Variants in UMOD observed in about 807,000 individuals in gnomAD.
The protein encoded by UMOD is uromodulin.
Under a neutral mutation model 66.0 loss-of-function variants are expected in UMOD, and 64 were observed. The observed-to-expected ratio is 0.97, with a 90% CI of 0.79 to 1.19. UMOD has a LOEUF of 1.19. Among genes scored for constraint, UMOD ranks in the 50% most tolerant of loss-of-function variants. UMOD has a pLI of 0.00. For synonymous variants in UMOD, 398 were observed against 352.7 expected (o/e 1.13, Z -1.44); for missense variants, 764 against 850.9 (o/e 0.90, Z 1.27).
upstream of UMOD, among the ~76,000 whole-genome samples, chr16:20,355,179 T>A (rs1214129205): frequency 6.6e-6 from 1 of 152,110 alleles, no homozygotes; most frequent in Non-Finnish European, 1.5e-5. Flanking sequence ...GTGTGGTGTG[T>A]CCCCTTCTCT....
rs776537437 is a variant in UMOD, at chr16:20,341,186, G to A, written c.1482C>T (p.Gly494=). 1.6e-5 allele frequency: 26 copies of A among 1,613,826 alleles called. No homozygotes were observed. The Admixed American group carries it at 1.7e-4, about 10-fold the overall frequency. ...TGAGCAGTGCAAATCGGGACAGGTC[G>A]CCCCCATCCAACATGGTGCCCACGT... is the stretch of plus-strand genomic sequence containing the variant. ...FLYVGTMLDG[G]DLSRFALLMT... Residue 494 remains glycine (G), a synonymous_variant, in exon 7 of 11, where the codon GGC becomes GGT. Coordinates refer to ENST00000396138, the MANE Select transcript of UMOD (RefSeq NM_003361.4).
At position 20,341,239 on chromosome 16, in the gene UMOD, CGGA is replaced by C; in HGVS notation, c.1426_1428del (p.Ser476del). ...AGAAAAGCCTCAGTGGACAGTGTCA[CGGA>C]GGAGCCTTGGTAGGGCTGCGTGTAG... On this transcript the variant is annotated inframe_deletion, in exon 7 of 11. Transcript: ENST00000396138. The C allele has an allele frequency of 6.2e-7, 1 of 1,614,056 alleles. No individual in the cohort carries two copies. The highest frequency in any genetic ancestry group is 8.5e-7 in the Non-Finnish European group (1 of 1,180,010).
At chr16:20,354,191 T>C (rs1965994540), upstream of UMOD, among the ~76,000 whole-genome samples, 1 of 152,226 alleles carries the variant, frequency 6.6e-6, no homozygotes, top group African/African-American at 2.4e-5. Context: ...GTCTTTGCTA[T>C]TGTGAATTGC....
intron 4 of UMOD, among the ~76,000 whole-genome samples, chr16:20,346,881 GAGAGAAAGAA>G (rs1224726113): frequency 1.1e-4 from 5 of 46,690 alleles, no homozygotes; most frequent in African/African-American, 6.0e-4. Context: ...AAAAAAGAAA[GAGAGAAAGAA>G]AGAAAGAAAG....
At chr16:20,343,715 G>T (rs959153540) in intron 6 of UMOD, among the ~76,000 whole-genome samples, 1 of 152,060 alleles carries the variant, frequency 6.6e-6, no homozygotes, top group East Asian at 1.9e-4. Flanking sequence ...ACCTAGAGAG[G>T]GACTATCAAT....
Position 20,341,297 on chromosome 16 carries a change from G to C in UMOD, c.1371C>G (p.Thr457=), listed in dbSNP as rs911119717. 14 of 1,613,898 alleles carry C rather than the reference G, an allele frequency of 8.7e-6. No homozygotes were observed. Among genetic ancestry groups the C allele is most frequent in the African/African-American group, 1.3e-5 (1 of 74,912 alleles). The part of the protein sequence containing the change: ...NIRVGGTGMF[T]VRMALFQTPS... ...GGGTCTGGAAGAGCGCCATCCGCAC[G>C]GTGAACATGCCGGTCCCGCCCACTC... Residue 457 remains threonine (T), a synonymous_variant, in exon 7 of 11, where the codon ACC becomes ACG. Coordinates refer to ENST00000396138, the MANE Select transcript of UMOD (RefSeq NM_003361.4).
intron 7 of UMOD, among the ~76,000 whole-genome samples, chr16:20,340,551 G>T (rs548333017): frequency 1.3e-5 from 2 of 150,432 alleles, no homozygotes; most frequent in African/African-American, 4.9e-5. Context: ...AAATAATAAG[G>T]TCTAGTGAAA....
chr16:20,349,185 G>T lies in UMOD; in HGVS notation c.116C>A (p.Ala39Asp), dbSNP rs762973149. The change falls in exon 3 of 11, where the codon GCC becomes GAC. Residue 39 changes from alanine (A) to aspartate (D), a missense_variant. Physicochemically the swap from Ala to Asp is moderately radical, Grantham distance 126. Transcript: ENST00000396138. ...AACGGCCTCATCCTCCGTGCAGGTG[G>T]CATTGCTGTGACATTCAGAGCACCA... ...ARWCSECHSNATCTEDEAVTT... is the reference protein window; with the variant it reads ...ARWCSECHSNDTCTEDEAVTT... 1 of 1,613,780 alleles carries T rather than the reference G, an allele frequency of 6.2e-7. No individual in the cohort carries two copies. Among genetic ancestry groups the T allele is most frequent in the Non-Finnish European group, 8.5e-7 (1 of 1,179,996 alleles).
upstream of UMOD, among the ~76,000 whole-genome samples, chr16:20,354,023 T>C (rs1445744230): frequency 1.3e-5 from 2 of 152,218 alleles, no homozygotes; most frequent in African/African-American, 4.8e-5. Flanking sequence ...TTTTTGTCCT[T>C]GCGATAGTTT....
intron 6 of UMOD, 110 bp from the exon 7 acceptor site, chr16:20,341,446 A>G (rs1965213354): frequency 6.4e-7 from 1 of 1,569,572 alleles, no homozygotes; most frequent in Non-Finnish European, 8.6e-7. Flanking sequence ...TTGCATTTTT[A>G]TCCAGCAATA....
intron 1 of UMOD, among the ~76,000 whole-genome samples, chr16:20,351,997 G>A (rs1965918376): frequency 6.9e-6 from 1 of 145,718 alleles, no homozygotes; most frequent in Admixed American, 7.0e-5. Context: ...CTGCCTGGGT[G>A]ACAGAGAGTC....
rs574563507 is a variant in UMOD at position 20,338,926 on chromosome 16, A to AT, written c.1578-1474dup. ...AGGCGCCCACCACCATGCCTGTCTA[A>AT]TTTTTTTGTATTTTTAGTAGAGATG... is the stretch of plus-strand genomic sequence containing the variant. On this transcript the variant is annotated intron_variant, in intron 7 of 10. Transcript: ENST00000396138. 2.7e-3 allele frequency among the ~76,000 whole-genome samples: 418 copies of AT among 152,072 alleles called. 1 individual carries two copies. The highest frequency in any genetic ancestry group is 3.7e-3 in the Non-Finnish European group (250 of 67,968).
intron 10 of UMOD, among the ~76,000 whole-genome samples, chr16:20,334,386 G>A (rs1363843639): frequency 6.6e-6 from 1 of 152,148 alleles, no homozygotes; most frequent in Non-Finnish European, 1.5e-5. Context: ...TCTGGGGTAT[G>A]TTCATATCCT....
chr16:20,352,905 C>G (rs1965961129), upstream of UMOD: 1 of 436,472 alleles, frequency 2.3e-6, no homozygotes, highest in African/African-American at 2.0e-5. Context: ...GCTAGAGACC[C>G]CAAATGATTG....
At chr16:20,341,010 G>T in intron 7 of UMOD, 81 bp downstream of exon 7, 671 of 1,000,598 alleles carry the variant, frequency 6.7e-4, no homozygotes, top group Non-Finnish European at 8.8e-4. Context: ...AAAAAAAAAA[G>T]ATGCAATTTT....
chr16:20,333,102 C>G lies in UMOD; in HGVS notation c.*212G>C. On this transcript the variant is annotated 3_prime_UTR_variant, in exon 11 of 11. Coordinates refer to ENST00000396138, the MANE Select transcript of UMOD (RefSeq NM_003361.4). ...ACACTCTTTAAGGAGATGGGGGCCT[C>G]AGGTACACCGTCACAAGTCCCATTT... The G allele has an allele frequency of 1.7e-6, 1 of 596,314 alleles. No individual in the cohort carries two copies. Among genetic ancestry groups the G allele is most frequent in the Non-Finnish European group, 3.1e-6 (1 of 324,256 alleles). 36.9% of individuals were successfully genotyped at this position (596,314 alleles called of 1,614,324 possible). A position where few individuals can be genotyped will look rare whatever the true frequency, so the allele number is the denominator to read the frequency against.
chr16:20,336,148 T>G (rs11865824), intron 9 of UMOD, among the ~76,000 whole-genome samples: 1,969 of 152,296 alleles, frequency 0.013, 46 homozygotes, highest in African/African-American at 0.044. Flanking sequence ...CCTAAACCAC[T>G]CCTAAGATCA....
At chr16:20,349,792 C>T in intron 2 of UMOD, 2 of 1,550,012 alleles carry the variant, frequency 1.3e-6, no homozygotes, top group Non-Finnish European at 1.7e-6. Context: ...GTGAAATCTT[C>T]ATCAGGACCC....
Position 20,348,802 on chromosome 16 carries a change from C to A in UMOD, c.499G>T (p.Ala167Ser), listed in dbSNP as rs962685850. The change falls in exon 3 of 11, where the codon GCG (alanine) becomes TCG (serine). Residue 167 changes from alanine to serine, a missense_variant. Transcript: ENST00000396138. ...PGLDCVPEGD[A>S]LVCADPCQAH... ...TGGCACGGATCCGCGCACACGAGCG[C>A]GTCGCCCTCGGGCACGCAGTCCAAC... 3 of 1,544,616 alleles carry A rather than the reference C, an allele frequency of 1.9e-6. No individual in the cohort carries two copies. Among genetic ancestry groups the A allele is most frequent in the Admixed American group, 2.0e-5 (1 of 50,948 alleles).
Sources: allele counts gnomAD v4.1 joint callset (sites outside exome capture counted in the v4.1 genomes callset), GRCh38; gene constraint gnomAD v4.1.1; transcripts MANE v1.5; gene names NCBI Gene and HGNC (gene_info 2026-07-23, HGNC 2026-07-21).